Variants in RBBP6 observed in about 807,000 individuals in gnomAD.
RBBP6 encodes the protein RB binding protein 6, ubiquitin ligase.
Under a neutral mutation model 167.7 loss-of-function variants are expected in RBBP6, and 25 were observed. The observed-to-expected ratio is 0.15, with a 90% CI of 0.11 to 0.21. The LOEUF (loss-of-function observed/expected upper bound fraction) is 0.21, where lower values mean the gene tolerates loss of function less well. Among genes scored for constraint, RBBP6 ranks in the 10% least tolerant of loss-of-function variants. The pLI is 1.00. For missense variants in RBBP6, 1,868 were observed against 2,134.2 expected, an observed-to-expected ratio of 0.88 and a Z score of 2.46; for synonymous variants, 789 against 735.8, an observed-to-expected ratio of 1.07 and a Z score of -1.17.
Position 24,540,552 on chromosome 16 carries a change from T to C in RBBP6, c.-75T>C, listed in dbSNP as rs568046485. 8 of 1,430,798 alleles carry C rather than the reference T, an allele frequency of 5.6e-6. No homozygotes were observed. Among genetic ancestry groups the C allele is most frequent in the Non-Finnish European group, 7.6e-6 (8 of 1,047,768 alleles). The allele number at this position is 1,430,798 out of a possible 1,614,324, so 88.6% of individuals were successfully genotyped here. Reference sequence around the variant, plus strand: ...AGTGTTTTGTGTGTACATATTTTGCTCTTAAAGTTTATAAATATACGTATA... The same window carrying C: ...AGTGTTTTGTGTGTACATATTTTGCCCTTAAAGTTTATAAATATACGTATA... On this transcript the variant is annotated 5_prime_UTR_variant, in exon 1 of 18. Transcript: ENST00000319715.
At chr16:24,550,522 A>G (rs1309378290) in intron 3 of RBBP6, among the ~76,000 whole-genome samples, 1 of 151,788 alleles carries the variant, frequency 6.6e-6, no homozygotes, top group East Asian at 1.9e-4. Context: ...CACATTTTGT[A>G]TAAAGTACAG....
chr16:24,570,728 T>C (rs1567281478), intron 17 of RBBP6, 148 bp from the exon 18 acceptor site: 5 of 802,640 alleles, frequency 6.2e-6, no homozygotes, highest in Middle Eastern at 4.0e-4. Context: ...TCTTAAATTG[T>C]GTGTCTTCCT....
intron 1 of RBBP6, among the ~76,000 whole-genome samples, chr16:24,544,179 T>C (rs767706674): frequency 4.6e-5 from 7 of 152,220 alleles, no homozygotes; most frequent in Non-Finnish European, 8.8e-5. Context: ...AGTTGTTACA[T>C]ATTCAGAAAC....
At position 24,567,133 on chromosome 16, in the gene RBBP6, A is replaced by G; in HGVS notation, c.1590-10A>G. The G allele has an allele frequency of 6.2e-7, 1 of 1,602,170 alleles. No individual in the cohort carries two copies. The highest frequency in any genetic ancestry group is 8.5e-7 in the Non-Finnish European group (1 of 1,171,074). On this transcript the variant is annotated splice_polypyrimidine_tract_variant and intron_variant, in intron 14 of 17. Coordinates refer to ENST00000319715, the MANE Select transcript of RBBP6 (RefSeq NM_006910.5). ...TTGAAGAAGTAATATCTTGGAATTT[A>G]TTTTTCCAGAAGTATAAACCGTGGG...
At chr16:24,547,165 T>C (rs898507246) in intron 2 of RBBP6, among the ~76,000 whole-genome samples, 6 of 152,158 alleles carry the variant, frequency 3.9e-5, no homozygotes, top group African/African-American at 1.2e-4. Flanking sequence ...AATTTGCCAG[T>C]GCTAGGGAAT....
intron 7 of RBBP6, among the ~76,000 whole-genome samples, chr16:24,557,139 C>T (rs9941222): frequency 0.15 from 22,112 of 151,786 alleles, 1,837 homozygotes; most frequent in East Asian, 0.25. Context: ...GCTGGGACTA[C>T]AGGCGCCCGC....
At chr16:24,558,620 C>T in intron 7 of RBBP6, 1 of 646,946 alleles carries the variant, frequency 1.5e-6, no homozygotes, top group Non-Finnish European at 1.9e-6. Context: ...GAAAGGGTTT[C>T]TCTAGGGATT....
Position 24,571,734 on chromosome 16 carries a change from A to G in RBBP6, c.4668A>G (p.Glu1556=), listed in dbSNP as rs114113023. Residue 1556 remains glutamate, a synonymous_variant, in exon 18 of 18, where the codon GAA becomes GAG. Coordinates refer to ENST00000319715, the MANE Select transcript of RBBP6 (RefSeq NM_006910.5). ...CTTATGATACTAAACGGCCAAATGA[A>G]GAGACAAAATCTGTAGATAAAAATC... ...KATYDTKRPN[E]ETKSVDKNPC... The G allele has an allele frequency of 3.2e-4, 510 of 1,614,202 alleles. 8 individuals carry two copies. The African/African-American group carries it at 4.7e-3, about 15-fold the overall frequency.
In RBBP6 at chr16:24,562,005, C is replaced by G. The variant is rs1444005726; in HGVS notation, c.1133C>G (p.Thr378Ser). The G allele has an allele frequency of 6.2e-7, 1 of 1,613,588 alleles. No individual in the cohort carries two copies. The highest frequency in any genetic ancestry group is 1.7e-5 in the Admixed American group (1 of 59,988). The change falls in exon 10 of 18, where the codon ACT becomes AGT. Residue 378 changes from threonine to serine, a missense_variant. Physicochemically the swap from Thr to Ser is moderately conservative, Grantham distance 58. Coordinates refer to ENST00000319715, the MANE Select transcript of RBBP6 (RefSeq NM_006910.5). ...ATGATTCCAGTGACATCTTCATCAA[C>G]TCACCCAGCTCCGTCTATATCTTCA... ...PLMIPVTSSS[T>S]HPAPSISSLT... is the part of the protein sequence containing the mutation.
At chr16:24,566,231 A>G (rs1054888653) in intron 14 of RBBP6, among the ~76,000 whole-genome samples, 4 of 152,224 alleles carry the variant, frequency 2.6e-5, no homozygotes, top group African/African-American at 7.2e-5. Flanking sequence ...TGTACCAATT[A>G]TTTATAATTT....
chr16:24,559,254 G>T (rs1003834259), intron 7 of RBBP6, among the ~76,000 whole-genome samples: 1 of 152,016 alleles, frequency 6.6e-6, no homozygotes, highest in Non-Finnish European at 1.5e-5. Flanking sequence ...TAAGAGTGAC[G>T]GGTTCTAAGA....
chr16:24,569,531 T>G lies in RBBP6; in HGVS notation c.2841T>G (p.Gly947=), dbSNP rs2141478500. ...GAAGAAAAGGGGAGGAAAGTGAGGG[T>G]TTTCTGAACCCAGAGTTATTAGAGA... ...RKRRKGEESE[G]FLNPELLETS... Residue 947 remains glycine (G), a synonymous_variant, in exon 17 of 18, where the codon GGT becomes GGG. Coordinates refer to ENST00000319715, the MANE Select transcript of RBBP6 (RefSeq NM_006910.5). The G allele has an allele frequency of 6.3e-7, 1 of 1,590,552 alleles. No homozygotes were observed. The highest frequency in any genetic ancestry group is 1.1e-5 in the South Asian group (1 of 89,838).
At chr16:24,559,241 T>A (rs1898990461) in intron 7 of RBBP6, among the ~76,000 whole-genome samples, 1 of 152,202 alleles carries the variant, frequency 6.6e-6, no homozygotes, top group African/African-American at 2.4e-5. Context: ...GGCCCTCAGT[T>A]CTTAAGAGTG....
At chr16:24,546,090 T>C in intron 1 of RBBP6, 73 bp from the exon 2 acceptor site, 2 of 1,473,606 alleles carry the variant, frequency 1.4e-6, no homozygotes, top group Non-Finnish European at 1.8e-6. Flanking sequence ...AAATTTATAT[T>C]TGAAGTTTTC....
In RBBP6 at chr16:24,564,432, A is replaced by G. The variant is rs546677073; in HGVS notation, c.1521-365A>G. 2.0e-5 allele frequency among the ~76,000 whole-genome samples: 3 copies of G among 152,310 alleles called. No homozygotes were observed. The East Asian group carries it at 5.8e-4, about 29-fold the overall frequency. ...CATTTCCTCGTTTGGATTTGGAATG[A>G]CACTACCTACCTTAACATGTAAAAT... On this transcript the variant is annotated intron_variant, in intron 13 of 17. Transcript: ENST00000319715.
chr16:24,566,445 T>G (rs11860248), intron 14 of RBBP6, among the ~76,000 whole-genome samples: 41,505 of 152,104 alleles, frequency 0.27, 5,857 homozygotes, highest in Middle Eastern at 0.38. Flanking sequence ...GTTACAGGAG[T>G]TGGTTTTCCT....
chr16:24,571,917 G>A lies in RBBP6; in HGVS notation c.4851G>A (p.Gln1617=). ...AGAGTACTGTCAAGCCTAAACCCCA[G>A]TTAAGTCATTCCTCTAGACTTTCCT... ...IDKSTVKPKP[Q]LSHSSRLSSD... The change falls in exon 18 of 18, where the codon CAG becomes CAA. Residue 1617 remains glutamine (Q), a synonymous_variant. Coordinates refer to ENST00000319715, the MANE Select transcript of RBBP6 (RefSeq NM_006910.5). 1 of 1,614,132 alleles carries A rather than the reference G, an allele frequency of 6.2e-7. No individual in the cohort carries two copies. The highest frequency in any genetic ancestry group is 1.1e-5 in the South Asian group (1 of 91,064).
intron 8 of RBBP6, 54 bp from the exon 9 acceptor site, chr16:24,561,558 A>G: frequency 7.0e-7 from 1 of 1,422,084 alleles, no homozygotes; most frequent in East Asian, 2.3e-5. Flanking sequence ...TTCATTTCGT[A>G]AACACTTTGA....
rs770489988 is a variant in RBBP6 at position 24,572,023 on chromosome 16, AAAG to A, written c.4962_4964del (p.Glu1656del). The stretch of plus-strand genomic sequence containing the variant: ...TGACAGTGAAAGTAATGTTTCTGTA[AAAG>A]AAGAGGAATCTTCAGGAAACATTTC... On this transcript the variant is annotated inframe_deletion, in exon 18 of 18. Coordinates refer to ENST00000319715, the MANE Select transcript of RBBP6 (RefSeq NM_006910.5). 1.5e-5 allele frequency: 24 copies of A among 1,613,976 alleles called. No individual in the cohort carries two copies. In the Admixed American group the frequency reaches 1.8e-4, roughly 12 times the overall value.
Sources: gnomAD v4.1 joint callset for allele counts (sites outside exome capture counted in the v4.1 genomes callset) on GRCh38, gnomAD v4.1.1 for gene constraint, MANE v1.5 for transcripts, NCBI Gene and HGNC (gene_info 2026-07-23, HGNC 2026-07-21) for gene names.